Variants in PCDHGA4 observed in about 807,000 individuals in gnomAD.
PCDHGA4 encodes the protein protocadherin gamma subfamily A, 4, also known as protocadherin gamma-A4.
PCDHGA4 carries 38 observed loss-of-function variants against 54.6 expected under a neutral mutation model. The ratio of observed to expected loss-of-function variants is 0.70; its 90% CI spans 0.54 to 0.91. The LOEUF is 0.91. Among genes scored for constraint, PCDHGA4 ranks in the 40% least tolerant of loss-of-function variants. The pLI, the probability that PCDHGA4 is intolerant of heterozygous loss-of-function variation, is 0.00. For synonymous variants in PCDHGA4, 511 were observed against 512.9 expected, an observed-to-expected ratio of 1.00 and a Z score of 0.05; for missense variants, 1,298 against 1,220.9, an observed-to-expected ratio of 1.06 and a Z score of -0.94.
intron 1 of PCDHGA4, chr5:141,414,552 C>G: frequency 6.2e-7 from 1 of 1,613,984 alleles, no homozygotes; most frequent in Non-Finnish European, 8.5e-7. Context: ...TCTCTCAAGT[C>G]TCCTACTTTA....
Position 141,491,410 on chromosome 5 carries a change from GA to G in PCDHGA4, c.2515-3396del. 1 of 1,614,142 alleles carries G rather than the reference GA, an allele frequency of 6.2e-7. No homozygotes were observed. The highest frequency in any genetic ancestry group is 8.5e-7 in the Non-Finnish European group (1 of 1,180,034). On this transcript the variant is annotated intron_variant, in intron 1 of 3. Coordinates refer to ENST00000571252, the MANE Select transcript of PCDHGA4 (RefSeq NM_018917.4). This position sits in a 1 kb window ranked among gnomAD's most constrained non-coding sequence, Gnocchi z 6.9. ...GTGCCTTCAGGGAAACGCAGACGGG[GA>G]CGGGGGTGGAGGGCAGTGCTGCAGG...
intron 1 of PCDHGA4, chr5:141,402,972 G>C: frequency 6.2e-7 from 1 of 1,608,318 alleles, no homozygotes; most frequent in Non-Finnish European, 8.5e-7. Flanking sequence ...CCAACCAAAT[G>C]CCAGCTCCGC....
At chr5:141,369,400 T>A (rs1766214722) in intron 1 of PCDHGA4, among the ~76,000 whole-genome samples, 2 of 152,120 alleles carry the variant, frequency 1.3e-5, no homozygotes, top group Non-Finnish European at 2.9e-5. Flanking sequence ...GCCAGGGTGG[T>A]TCATGACTAT....
chr5:141,366,040 C>A (rs752624619), intron 1 of PCDHGA4: 1 of 1,614,146 alleles, frequency 6.2e-7, no homozygotes, highest in African/African-American at 1.3e-5. Context: ...TCCCCACAGA[C>A]GGTTCCACGG....
intron 1 of PCDHGA4, chr5:141,360,880 G>A: frequency 6.2e-7 from 1 of 1,614,004 alleles, no homozygotes; most frequent in Non-Finnish European, 8.5e-7. Context: ...CGTGTACAGG[G>A]TCACCCTGAG....
At chr5:141,369,342 T>C (rs922060609) in intron 1 of PCDHGA4, among the ~76,000 whole-genome samples, 8 of 152,174 alleles carry the variant, frequency 5.3e-5, no homozygotes, top group African/African-American at 1.9e-4. Context: ...TTCAGGACAA[T>C]TGTGATGTAG....
rs186288044 is a variant in PCDHGA4, at chr5:141,433,652, A to G, written c.2515-61155A>G. On this transcript the variant is annotated intron_variant, in intron 1 of 3. Transcript: ENST00000571252. ...GGAGTTTGAGACCAGCCTGACCAAC[A>G]TGGAGAAACCCCGTCTATACTAAAA... is the stretch of plus-strand genomic sequence containing the variant. 1.0e-2 allele frequency among the ~76,000 whole-genome samples: 1,520 copies of G among 152,208 alleles called. 33 individuals are homozygous for G. The highest frequency in any genetic ancestry group is 0.034 in the African/African-American group (1,423 of 41,538).
At chr5:141,409,776 T>C in intron 1 of PCDHGA4, 1 of 1,612,708 alleles carries the variant, frequency 6.2e-7, no homozygotes, top group Non-Finnish European at 8.5e-7. Context: ...CACGAGCAGC[T>C]GCGCGCCTTC....
chr5:141,410,835 T>C (rs1360836957), intron 1 of PCDHGA4: 2 of 490,228 alleles, frequency 4.1e-6, no homozygotes, highest in Admixed American at 4.0e-5. Context: ...AGACTGAAGA[T>C]ATTTTGTCTT....
intron 2 of PCDHGA4, among the ~76,000 whole-genome samples, chr5:141,496,888 TAA>T (rs35063790): frequency 6.7e-5 from 9 of 134,018 alleles, no homozygotes; most frequent in Non-Finnish European, 4.9e-5. Flanking sequence ...AAGTAACACT[TAA>T]AAAAAAAAAA....
Position 141,489,829 on chromosome 5 carries a change from G to T in PCDHGA4, c.2515-4978G>T, listed in dbSNP as rs1445416879. 6.2e-7 allele frequency: 1 copy of T among 1,614,076 alleles called. No individual in the cohort carries two copies. Among genetic ancestry groups the T allele is most frequent in the South Asian group, 1.1e-5 (1 of 91,070 alleles). ...GAAGCCATTCCCAGAGCTGGTGCTA[G>T]AGCAGCAGCTGGATCGTGAAGCCCA... On this transcript the variant is annotated intron_variant, in intron 1 of 3. Coordinates refer to ENST00000571252, the MANE Select transcript of PCDHGA4 (RefSeq NM_018917.4). The surrounding 1 kb of genome is among the most constrained non-coding windows in gnomAD (Gnocchi z 4.5).
intron 3 of PCDHGA4, 110 bp downstream of exon 3, chr5:141,505,591 G>T: frequency 6.4e-7 from 1 of 1,570,280 alleles, no homozygotes; most frequent in Non-Finnish European, 8.7e-7. Flanking sequence ...AGTTTCTCCA[G>T]ATCTTTCGGC....
intron 1 of PCDHGA4, among the ~76,000 whole-genome samples, chr5:141,401,895 TC>T (rs2094205697): frequency 6.6e-6 from 1 of 152,224 alleles, no homozygotes; most frequent in Non-Finnish European, 1.5e-5. Context: ...GTGTTCTTTT[TC>T]CCAAATTATT....
chr5:141,376,452 C>T (rs1186920662), intron 1 of PCDHGA4: 2 of 1,614,094 alleles, frequency 1.2e-6, no homozygotes, highest in Non-Finnish European at 1.7e-6. Flanking sequence ...AAAAGCGAGC[C>T]TCTTCTGATA....
chr5:141,461,027 C>G (rs993151622), intron 1 of PCDHGA4, among the ~76,000 whole-genome samples: 2 of 150,168 alleles, frequency 1.3e-5, no homozygotes, highest in Non-Finnish European at 3.0e-5. Flanking sequence ...TTTTCTTTAT[C>G]CACTCATTAG....
chr5:141,499,261 GT>G (rs2099790689), intron 2 of PCDHGA4, among the ~76,000 whole-genome samples: 1 of 152,022 alleles, frequency 6.6e-6, no homozygotes, highest in South Asian at 2.1e-4. Context: ...TCTCCATTTG[GT>G]CCCTAGACTG....
At chr5:141,408,438 C>G (rs749271632) in intron 1 of PCDHGA4, 8 of 1,613,896 alleles carry the variant, frequency 5.0e-6, no homozygotes, top group Non-Finnish European at 5.9e-6. Flanking sequence ...AGCGTAGACG[C>G]GGAGAGCGGG....
intron 1 of PCDHGA4, among the ~76,000 whole-genome samples, chr5:141,460,117 T>G (rs1454761302): frequency 6.6e-6 from 1 of 151,982 alleles, no homozygotes; most frequent in Non-Finnish European, 1.5e-5. Context: ...ATGATTTTTA[T>G]ATATGTAATA....
rs1479003983 is a variant in PCDHGA4, at chr5:141,485,352, C to T, written c.2515-9455C>T. On this transcript the variant is annotated intron_variant, in intron 1 of 3. Coordinates refer to ENST00000571252, the MANE Select transcript of PCDHGA4 (RefSeq NM_018917.4). This position sits in a 1 kb window ranked among gnomAD's most constrained non-coding sequence, Gnocchi z 5.7. ...TTCCTGCTGGATACGGACAGTCTGT[C>T]AGCTCGCAGGCTGCAGGTCGCTGGA... 1 of 1,614,136 alleles carries T rather than the reference C, an allele frequency of 6.2e-7. No homozygotes were observed. The highest frequency in any genetic ancestry group is 8.5e-7 in the Non-Finnish European group (1 of 1,180,012).
Sources: gnomAD v4.1 joint callset for allele counts (sites outside exome capture counted in the v4.1 genomes callset) on GRCh38, gnomAD v4.1.1 for gene constraint, Gnocchi (gnomAD v3.1) non-coding constraint, MANE v1.5 for transcripts, NCBI Gene and HGNC (gene_info 2026-07-23, HGNC 2026-07-21) for gene names.